The following COL20A1 variants were observed in gnomAD, a reference collection of about 807,000 sequenced individuals.
The protein encoded by COL20A1 is collagen type XX alpha 1 chain, also known as collagen alpha-1(XX) chain.
COL20A1 carries 164 observed loss-of-function variants against 152.9 expected under a neutral mutation model. The ratio of observed to expected loss-of-function variants is 1.07; its 90% CI spans 0.94 to 1.22. The LOEUF (loss-of-function observed/expected upper bound fraction) is 1.22, where lower values mean the gene tolerates loss of function less well. COL20A1 is among the 50% of genes most tolerant of loss of function. COL20A1 has a pLI of 0.00. For synonymous variants in COL20A1, 864 were observed against 756.0 expected (o/e 1.14, Z -2.34); for missense variants, 1,873 against 1,744.8 (o/e 1.07, Z -1.31).
At chr20:63,300,096 G>A (rs1326137931) in intron 3 of COL20A1, among the ~76,000 whole-genome samples, 1 of 151,974 alleles carries the variant, frequency 6.6e-6, no homozygotes, top group Non-Finnish European at 1.5e-5. Flanking sequence ...CCTTTTATAT[G>A]TTATTAAATC....
rs2067910990 is a variant in COL20A1 at position 63,305,411 on chromosome 20, A to G, written c.194-6A>G. On this transcript the variant is annotated splice_region_variant and splice_polypyrimidine_tract_variant and intron_variant, in intron 3 of 35. Transcript: ENST00000358894. This position sits in a 1 kb window ranked among gnomAD's most constrained non-coding sequence, Gnocchi z 4.9. ...GGCCTCTAAAGCTCTCCCCACCCCT[A>G]CCCAGGGGACTCGGAACAGGAGGTG... The G allele has an allele frequency of 1.3e-6, 2 of 1,513,710 alleles. No individual in the cohort carries two copies. The highest frequency in any genetic ancestry group is 1.3e-5 in the South Asian group (1 of 75,652). 93.8% of individuals were successfully genotyped at this position (1,513,710 alleles called of 1,614,324 possible).
intron 2 of COL20A1, 60 bp downstream of exon 2, chr20:63,295,249 C>T: frequency 3.5e-6 from 4 of 1,159,192 alleles, no homozygotes; most frequent in Non-Finnish European, 5.0e-6. Context: ...CCACCAGTGC[C>T]CACGCGGGAC....
chr20:63,302,345 G>A (rs2067872020), intron 3 of COL20A1, among the ~76,000 whole-genome samples: 1 of 152,094 alleles, frequency 6.6e-6, no homozygotes. Flanking sequence ...TATTGAGATG[G>A]AATCTCACTC....
At chr20:63,308,470 C>T (rs866366233) in intron 7 of COL20A1, 72 bp from the exon 8 acceptor site, 23 of 1,374,148 alleles carry the variant, frequency 1.7e-5, no homozygotes, top group Middle Eastern at 2.0e-4. Context: ...CTCTGCTGTC[C>T]GGTTGCTGCC....
intron 21 of COL20A1, among the ~76,000 whole-genome samples, chr20:63,317,686 G>A (rs2123417021): frequency 6.6e-6 from 1 of 152,116 alleles, no homozygotes; most frequent in South Asian, 2.1e-4. Flanking sequence ...TGAACTCGAT[G>A]ACTGTTCCCC....
rs539632583 is a variant in COL20A1 at position 63,319,150 on chromosome 20, G to A, written c.2756G>A (p.Trp919Ter). 6.2e-7 allele frequency: 1 copy of A among 1,613,086 alleles called. No individual in the cohort carries two copies. The highest frequency in any genetic ancestry group is 1.1e-5 in the South Asian group (1 of 91,060). Residue 919 changes from tryptophan to a stop codon, truncating the protein, a stop_gained, in exon 22 of 36, where the codon TGG becomes TAG. Coordinates refer to ENST00000358894, the MANE Select transcript of COL20A1 (RefSeq NM_020882.4). LOFTEE classifies it high-confidence loss of function. This position sits in a 1 kb window ranked among gnomAD's most constrained non-coding sequence, Gnocchi z 4.4. ...PETPREAFAL[W>*]QMTAEDFQPL... ...ACACCCCGTGAGGCCTTCGCGCTGT[G>A]GCAGATGACAGCCGAGGACTTCCAG...
chr20:63,317,539 A>C (rs950031584), intron 21 of COL20A1, among the ~76,000 whole-genome samples: 5 of 151,802 alleles, frequency 3.3e-5, no homozygotes, highest in Admixed American at 1.3e-4. Context: ...AATTATAGAA[A>C]TATATATATT....
chr20:63,333,541 C>G lies in COL20A1; in HGVS notation c.*2825C>G, dbSNP rs2068358703. On this transcript the variant is annotated 3_prime_UTR_variant, in exon 36 of 36. Transcript: ENST00000358894. ...GCTCTGCCTGAGGCCCCAAGAGCGA[C>G]CTTGGAAGCTCCAGGCCTTCACAGC... The G allele has an allele frequency of 6.6e-6, 1 of 152,242 alleles. No individual in the cohort carries two copies. The highest frequency in any genetic ancestry group is 1.5e-5 in the Non-Finnish European group (1 of 68,050). The allele number at this position is 152,242 out of a possible 1,614,324, so 9.4% of individuals were successfully genotyped here.
chr20:63,305,959 C>A lies in COL20A1; in HGVS notation c.416C>A (p.Ser139Tyr). 1 of 1,612,726 alleles carries A rather than the reference C, an allele frequency of 6.2e-7. No individual in the cohort carries two copies. The highest frequency in any genetic ancestry group is 8.5e-7 in the Non-Finnish European group (1 of 1,179,742). The change falls in exon 5 of 36, where the codon TCC becomes TAC. Residue 139 changes from serine (S) to tyrosine (Y), a missense_variant. By Grantham distance (144) the Ser-to-Tyr change is moderately radical. Coordinates refer to ENST00000358894, the MANE Select transcript of COL20A1 (RefSeq NM_020882.4). The surrounding 1 kb of genome is among the most constrained non-coding windows in gnomAD (Gnocchi z 4.9). ...LGSGAPEPTP[S>Y]HTGSPDPEQA... The stretch of plus-strand genomic sequence containing the variant: ...TCTGGAGCCCCGGAGCCCACCCCCT[C>A]CCACACGGGGAGCCCAGACCCTGAG...
chr20:63,325,663 C>A lies in COL20A1; in HGVS notation c.3349-5C>A. 1.2e-6 allele frequency: 2 copies of A among 1,607,800 alleles called. No homozygotes were observed. Among genetic ancestry groups the A allele is most frequent in the Non-Finnish European group, 1.7e-6 (2 of 1,178,196 alleles). The stretch of plus-strand genomic sequence containing the variant: ...TGCCTGGCCGGCCCCTCTGTTCTCT[C>A]CCAGGGCCACCCCGGCCACCAGGGC... On this transcript the variant is annotated splice_region_variant and splice_polypyrimidine_tract_variant and intron_variant, in intron 28 of 35. Transcript: ENST00000358894.
In COL20A1 at chr20:63,316,699, G is replaced by C; in HGVS notation, c.2663+8G>C. The C allele has an allele frequency of 6.5e-7, 1 of 1,540,318 alleles. No individual in the cohort carries two copies. Among genetic ancestry groups the C allele is most frequent in the Non-Finnish European group, 8.7e-7 (1 of 1,142,908 alleles). On this transcript the variant is annotated splice_region_variant and intron_variant, in intron 21 of 35. Coordinates refer to ENST00000358894, the MANE Select transcript of COL20A1 (RefSeq NM_020882.4). ...GCTGACAAGACGGGTCAGGTGTGAG[G>C]GCAAGGGCTGGGGTGGAGCTGGAAG...
intron 34 of COL20A1, among the ~76,000 whole-genome samples, chr20:63,328,764 C>T (rs926993156): frequency 3.3e-5 from 5 of 152,206 alleles, no homozygotes; most frequent in Non-Finnish European, 5.9e-5. Flanking sequence ...ACATGAGCTG[C>T]CTGCTTAGGG....
At chr20:63,296,196 A>G (rs1601398857) in intron 2 of COL20A1, among the ~76,000 whole-genome samples, 1 of 152,280 alleles carries the variant, frequency 6.6e-6, no homozygotes, top group African/African-American at 2.4e-5. Context: ...TTGCATGAGC[A>G]GGTGCCTTGG....
intron 31 of COL20A1, 139 bp downstream of exon 31, chr20:63,326,962 G>A: frequency 1.8e-6 from 1 of 554,834 alleles, no homozygotes; most frequent in Non-Finnish European, 3.0e-6. Context: ...CCTGTTGACA[G>A]CCCACAGACT....
intron 33 of COL20A1, 76 bp downstream of exon 33, chr20:63,328,203 G>A: frequency 1.3e-6 from 2 of 1,586,332 alleles, no homozygotes; most frequent in South Asian, 1.1e-5. Context: ...TCCTCACACT[G>A]GCCAGGCCGA....
chr20:63,309,562 G>T, intron 9 of COL20A1, 65 bp downstream of exon 9: 1 of 1,393,018 alleles, frequency 7.2e-7, no homozygotes. Flanking sequence ...AGGGTTGGGG[G>T]GACGCTGTGG....
At position 63,313,441 on chromosome 20, in the gene COL20A1, G is replaced by A. The variant is rs1601422679; in HGVS notation, c.2209+192G>A. 6.6e-6 allele frequency among the ~76,000 whole-genome samples: 1 copy of A among 152,326 alleles called. No homozygotes were observed. The highest frequency in any genetic ancestry group is 2.1e-4 in the South Asian group (1 of 4,828). On this transcript the variant is annotated intron_variant, in intron 17 of 35. Transcript: ENST00000358894. The surrounding 1 kb of genome is among the most constrained non-coding windows in gnomAD (Gnocchi z 5.9). ...TCACACGGGTATAGGTGTTCCCCCA[G>A]TGGCCGAGTGCACAAACCACCTAGT...
Position 63,320,326 on chromosome 20 carries a change from C to T in COL20A1, c.3111C>T (p.Asp1037=). The change falls in exon 25 of 36, where the codon GAC becomes GAT. Residue 1037 remains aspartate, a synonymous_variant. Coordinates refer to ENST00000358894, the MANE Select transcript of COL20A1 (RefSeq NM_020882.4). ...QLQMLQIVCS[D]TWADEDRCCE... is the part of the protein sequence containing the mutation. Reference sequence around the variant, plus strand: ...AGATGCTGCAGATCGTGTGCAGTGACACCTGGGCCGATGAGGACCGGTGCT... The same window carrying T: ...AGATGCTGCAGATCGTGTGCAGTGATACCTGGGCCGATGAGGACCGGTGCT... 2.5e-6 allele frequency: 4 copies of T among 1,611,194 alleles called. No homozygotes were observed. Among genetic ancestry groups the T allele is most frequent in the Non-Finnish European group, 8.5e-7 (1 of 1,179,848 alleles).
chr20:63,329,732 C>T, intron 35 of COL20A1, 71 bp downstream of exon 35: 1 of 1,120,576 alleles, frequency 8.9e-7, no homozygotes, highest in East Asian at 2.6e-5. Context: ...CCTGAGGGGC[C>T]AACGGGTGGG....
Sources: gnomAD v4.1 joint callset for allele counts (sites outside exome capture counted in the v4.1 genomes callset) on GRCh38, gnomAD v4.1.1 for gene constraint, Gnocchi (gnomAD v3.1) non-coding constraint, MANE v1.5 for transcripts, NCBI Gene and HGNC (gene_info 2026-07-23, HGNC 2026-07-21) for gene names.